Variants in ARVCF observed in about 807,000 individuals in gnomAD.
ARVCF encodes splicing regulator ARVCF.
Under a neutral mutation model 90.9 loss-of-function variants are expected in ARVCF, and 66 were observed. That is an observed-to-expected ratio of 0.73 (90% confidence interval 0.60 to 0.89). The LOEUF (loss-of-function observed/expected upper bound fraction) is 0.89. Ranked by LOEUF, ARVCF falls within the 40% of genes least tolerant of loss-of-function variation. The pLI, the probability that ARVCF is intolerant of heterozygous loss-of-function variation, is 0.00. For missense variants in ARVCF, 1,469 were observed against 1,382.3 expected, an observed-to-expected ratio of 1.06 and a Z score of -1.00; for synonymous variants, 653 against 603.4, an observed-to-expected ratio of 1.08 and a Z score of -1.21.
At chr22:19,990,479 C>T in intron 3 of ARVCF, 106 bp downstream of exon 3, 1 of 1,370,554 alleles carries the variant, frequency 7.3e-7, no homozygotes, top group Non-Finnish European at 9.9e-7. Context: ...GGAGCCCCAG[C>T]AAATCTTGCA....
intron 2 of ARVCF, among the ~76,000 whole-genome samples, chr22:20,004,242 T>C (rs546358146): frequency 8.5e-5 from 13 of 152,200 alleles, no homozygotes; most frequent in Non-Finnish European, 1.9e-4. Context: ...TGGAAAGATA[T>C]CCCATGTTCA....
rs550442788 is a variant in ARVCF at position 20,016,734 on chromosome 22, G to C, written c.-218C>G. ...TCGCAGTCCACGCGGCCGCAACTCGGACCGGTGCGGGGGCCGCCCCCTCCC... is the reference window on the plus strand; with the variant it reads ...TCGCAGTCCACGCGGCCGCAACTCGCACCGGTGCGGGGGCCGCCCCCTCCC... On this transcript the variant is annotated 5_prime_UTR_variant, in exon 1 of 20. Transcript: ENST00000263207. 1 of 151,214 alleles carries C rather than the reference G, an allele frequency of 6.6e-6. No homozygotes were observed. Among genetic ancestry groups the C allele is most frequent in the Non-Finnish European group, 1.5e-5 (1 of 67,756 alleles). 9.4% of individuals were successfully genotyped at this position (151,214 alleles called of 1,614,324 possible). A position where few individuals can be genotyped will look rare whatever the true frequency, so the allele number is the denominator to read the frequency against.
At chr22:20,007,301 T>C (rs959645456) in intron 2 of ARVCF, among the ~76,000 whole-genome samples, 5 of 151,652 alleles carry the variant, frequency 3.3e-5, no homozygotes, top group African/African-American at 9.7e-5. Context: ...ACTCGGGAGG[T>C]TGAGGCAGGA....
In ARVCF at chr22:19,981,468, TG is replaced by T; in HGVS notation, c.638del (p.Pro213HisfsTer109). ...SLSRGLGMRP[P>X]RAGPLGPGPG... is the part of the protein sequence containing the mutation. ...GGCCTGGGCCAAGGGGGCCAGCACGTGGGGGCCGCATGCCCAGCCCTCGGGA... is the reference window on the plus strand; with the variant it reads ...GGCCTGGGCCAAGGGGGCCAGCACGTGGGGCCGCATGCCCAGCCCTCGGGA... On this transcript the variant is annotated frameshift_variant, in exon 5 of 20. Transcript: ENST00000263207. LOFTEE classifies it high-confidence loss of function. 2 of 1,546,262 alleles carry T rather than the reference TG, an allele frequency of 1.3e-6. No individual in the cohort carries two copies. Among genetic ancestry groups the T allele is most frequent in the East Asian group, 2.3e-5 (1 of 42,932 alleles).
In ARVCF at chr22:19,972,732, C is replaced by A; in HGVS notation, c.2641+5G>T. 6.2e-7 allele frequency: 1 copy of A among 1,605,850 alleles called. No homozygotes were observed. The highest frequency in any genetic ancestry group is 8.5e-7 in the Non-Finnish European group (1 of 1,176,040). ...CCTCTAGGCTCCCTAAGCTCCACCA[C>A]TCACCAAGGCTCTTGTCCACCAGTG... On this transcript the variant is annotated splice_donor_5th_base_variant and intron_variant, in intron 16 of 19. Transcript: ENST00000263207.
intron 2 of ARVCF, among the ~76,000 whole-genome samples, chr22:19,994,955 G>C (rs1210744): frequency 6.6e-6 from 1 of 151,734 alleles, no homozygotes; most frequent in Non-Finnish European, 1.5e-5. Flanking sequence ...TGGACAGATT[G>C]GGGAATGAGG....
At chr22:19,977,143 A>C (rs1943201323) in intron 9 of ARVCF, among the ~76,000 whole-genome samples, 1 of 152,134 alleles carries the variant, frequency 6.6e-6, no homozygotes, top group African/African-American at 2.4e-5. Context: ...CTCTCCCCGG[A>C]GTAGAAAGAC....
chr22:19,987,248 C>CGGGGCCGCGCCCAGGT (rs1320463253), intron 3 of ARVCF: 1 of 130,518 alleles, frequency 7.7e-6, no homozygotes. Flanking sequence ...GCCAATCGGG[C>CGGGGCCGCGCCCAGGT]GGGGCCGCGC....
chr22:19,984,815 C>G (rs975789946), intron 3 of ARVCF, among the ~76,000 whole-genome samples: 1 of 152,230 alleles, frequency 6.6e-6, no homozygotes, highest in Non-Finnish European at 1.5e-5. Flanking sequence ...ACAGGGGCCA[C>G]CAACTCTGCC....
Position 19,980,159 on chromosome 22 carries a change from T to C in ARVCF, c.980A>G (p.Gln327Arg). 3.2e-6 allele frequency: 5 copies of C among 1,586,852 alleles called. No individual in the cohort carries two copies. The highest frequency in any genetic ancestry group is 4.3e-6 in the Non-Finnish European group (5 of 1,167,912). ...GCTGCCCATGCTGCCCCGTTCAGGC[T>C]GGGCCAGGGGCGCCGTCACCATTGG... ...AFPMVTAPLA[Q>R]PERGSMGSLD... The change falls in exon 6 of 20, where the codon CAG (glutamine) becomes CGG (arginine). Residue 327 changes from glutamine to arginine, a missense_variant. Physicochemically the swap from Gln to Arg is conservative, Grantham distance 43. Coordinates refer to ENST00000263207, the MANE Select transcript of ARVCF (RefSeq NM_001670.3).
In ARVCF at chr22:19,973,760, C is replaced by T. The variant is rs1942985504; in HGVS notation, c.2122G>A (p.Glu708Lys). Reference protein sequence around the residue: ...ATYIRATVRKERGLPVLVELL... With the variant: ...ATYIRATVRKKRGLPVLVELL... ...TCCACAAGCACCGGCAGCCCGCGCTCTTTGCGCACTGTGGCGCGGATGTAC... is the reference window on the plus strand; with the variant it reads ...TCCACAAGCACCGGCAGCCCGCGCTTTTTGCGCACTGTGGCGCGGATGTAC... Residue 708 changes from glutamate (E) to lysine (K), a missense_variant, in exon 13 of 20, where the codon GAG becomes AAG. Coordinates refer to ENST00000263207, the MANE Select transcript of ARVCF (RefSeq NM_001670.3). 6.2e-7 allele frequency: 1 copy of T among 1,607,770 alleles called. No individual in the cohort carries two copies. The highest frequency in any genetic ancestry group is 1.7e-5 in the Admixed American group (1 of 60,022).
intron 12 of ARVCF, 139 bp downstream of exon 12, chr22:19,973,973 C>T: frequency 6.7e-7 from 1 of 1,486,082 alleles, no homozygotes; most frequent in Non-Finnish European, 9.0e-7. Flanking sequence ...GCATTGCCCG[C>T]AGCCCATACA....
intron 3 of ARVCF, among the ~76,000 whole-genome samples, chr22:19,984,216 C>G (rs1014556468): frequency 6.6e-6 from 1 of 152,176 alleles, no homozygotes; most frequent in Non-Finnish European, 1.5e-5. Context: ...CCCCTCTTCC[C>G]TAGCTAGGCA....
chr22:19,983,423 C>T (rs1943605018), intron 3 of ARVCF, among the ~76,000 whole-genome samples: 1 of 152,190 alleles, frequency 6.6e-6, no homozygotes, highest in Admixed American at 6.5e-5. Flanking sequence ...TGCCAAGGCT[C>T]GTGGGCTGGG....
chr22:19,973,935 C>A, intron 12 of ARVCF, 142 bp from the exon 13 acceptor site: 1 of 1,472,990 alleles, frequency 6.8e-7, no homozygotes, highest in East Asian at 2.3e-5. Context: ...GCACCTCCAC[C>A]GAGGTTTTCC....
chr22:19,971,751 C>A, intron 18 of ARVCF, 135 bp downstream of exon 18: 1 of 903,494 alleles, frequency 1.1e-6, no homozygotes, highest in East Asian at 2.5e-5. Flanking sequence ...GAAGGGGCTG[C>A]TTCCTGGGCT....
At chr22:19,986,778 C>T in intron 3 of ARVCF, 2 of 368,834 alleles carry the variant, frequency 5.4e-6, no homozygotes, top group South Asian at 1.0e-4. Flanking sequence ...TCCATCCGGT[C>T]CGGGCCGGTG....
intron 8 of ARVCF, among the ~76,000 whole-genome samples, 156 bp from the exon 9 acceptor site, chr22:19,977,742 G>T (rs989352543): frequency 6.6e-6 from 1 of 152,228 alleles, no homozygotes; most frequent in African/African-American, 2.4e-5. Context: ...CCGCCAGGAA[G>T]GGTCCATGGG....
Position 19,979,820 on chromosome 22 carries a change from C to A in ARVCF, c.1319G>T (p.Arg440Leu). 1.2e-6 allele frequency: 2 copies of A among 1,609,296 alleles called. No homozygotes were observed. The highest frequency in any genetic ancestry group is 2.2e-5 in the East Asian group (1 of 44,688). ...CAGGGCAGGCACACCACCGCAGTCC[C>A]GGATGGCGGCCTTGTTGTCAGTGTC... is the stretch of plus-strand genomic sequence containing the variant. ...GRDTDNKAAI[R>L]DCGGVPALVR... Residue 440 changes from arginine to leucine, a missense_variant, in exon 6 of 20, where the codon CGG becomes CTG. Transcript: ENST00000263207.
Sources: allele counts gnomAD v4.1 joint callset (sites outside exome capture counted in the v4.1 genomes callset), GRCh38; gene constraint gnomAD v4.1.1; transcripts MANE v1.5; gene names NCBI Gene and HGNC (gene_info 2026-07-23, HGNC 2026-07-21).